The following CAGE1 variants were observed in gnomAD, a reference collection of about 807,000 sequenced individuals.
CAGE1 encodes cancer-associated gene 1 protein.
In CAGE1, 66 loss-of-function variants were observed where a neutral mutation model predicts 94.9. The observed-to-expected ratio is 0.70, with a 90% confidence interval of 0.57 to 0.85. The LOEUF is 0.85. Ranked by LOEUF, CAGE1 falls within the 40% of genes least tolerant of loss-of-function variation. The probability of loss-of-function intolerance (pLI) is 0.00; values close to 1 mark genes in which losing one functional copy is unlikely to be tolerated. For synonymous variants in CAGE1, 319 were observed against 321.0 expected (o/e 0.99, Z 0.07); for missense variants, 865 against 950.4 (o/e 0.91, Z 1.18).
intron 11 of CAGE1, among the ~76,000 whole-genome samples, chr6:7,335,859 G>A (rs1351394642): frequency 3.9e-5 from 6 of 152,202 alleles, no homozygotes; most frequent in Admixed American, 3.3e-4. Context: ...TTGTAGGCAT[G>A]AGCCACCATG....
chr6:7,345,597 A>G (rs1759459756), intron 11 of CAGE1, among the ~76,000 whole-genome samples: 1 of 152,230 alleles, frequency 6.6e-6, no homozygotes, highest in African/African-American at 2.4e-5. Context: ...TAGCTTTCAT[A>G]GTAAACAGCT....
intron 3 of CAGE1, among the ~76,000 whole-genome samples, chr6:7,380,039 G>T (rs1350012754): frequency 6.6e-6 from 1 of 152,122 alleles, no homozygotes; most frequent in Non-Finnish European, 1.5e-5. Context: ...CTCAAATCGT[G>T]GAATCAGATT....
At chr6:7,385,987 A>C in intron 2 of CAGE1, 115 bp from the exon 3 acceptor site, 2 of 537,510 alleles carry the variant, frequency 3.7e-6, no homozygotes, top group East Asian at 3.4e-5. Context: ...CATAGGTAGA[A>C]TGTGCTTTCT....
At chr6:7,365,636 A>G in intron 8 of CAGE1, 61 bp from the exon 9 acceptor site, 3 of 1,521,846 alleles carry the variant, frequency 2.0e-6, no homozygotes, top group Non-Finnish European at 2.7e-6. Context: ...AATACCTGAC[A>G]ATAAATACTT....
At chr6:7,333,642 C>CTATCTATA (rs1393663829) in intron 12 of CAGE1, among the ~76,000 whole-genome samples, 5 of 121,496 alleles carry the variant, frequency 4.1e-5, no homozygotes, top group Admixed American at 8.2e-5. Context: ...ATCTAACTAT[C>CTATCTATA]TATATATATA....
chr6:7,339,369 C>T lies in CAGE1; in HGVS notation c.2370-5279G>A. ...CTTCTGAACTACAGCAGTCAGTTCCCGAATCCGCCGGCCCTTCTCACCAAG... is the reference window on the plus strand; with the variant it reads ...CTTCTGAACTACAGCAGTCAGTTCCTGAATCCGCCGGCCCTTCTCACCAAG... On this transcript the variant is annotated intron_variant, in intron 11 of 13. Transcript: ENST00000502583. The surrounding 1 kb of genome is among the most constrained non-coding windows in gnomAD (Gnocchi z 4.7). 2 of 1,608,448 alleles carry T rather than the reference C, an allele frequency of 1.2e-6. No homozygotes were observed. Among genetic ancestry groups the T allele is most frequent in the Non-Finnish European group, 8.5e-7 (1 of 1,175,632 alleles).
At chr6:7,376,353 C>T (rs1760741953) in intron 4 of CAGE1, among the ~76,000 whole-genome samples, 1 of 151,700 alleles carries the variant, frequency 6.6e-6, no homozygotes, top group Admixed American at 6.6e-5. Flanking sequence ...GGTGCCACTG[C>T]ACTGCAGCCT....
At chr6:7,382,845 G>C (rs1760984584) in intron 3 of CAGE1, among the ~76,000 whole-genome samples, 1 of 152,080 alleles carries the variant, frequency 6.6e-6, no homozygotes, top group Admixed American at 6.5e-5. Context: ...GGAAGGTGGA[G>C]GTTGCAGTGA....
intron 12 of CAGE1, 64 bp downstream of exon 12, chr6:7,333,958 G>A (rs1031339643): frequency 3.4e-5 from 36 of 1,057,398 alleles, no homozygotes; most frequent in Middle Eastern, 5.3e-4. Context: ...GTGAGCCACC[G>A]CACTTGGCCA....
chr6:7,381,630 G>T (rs1760936546), intron 3 of CAGE1, among the ~76,000 whole-genome samples: 1 of 150,766 alleles, frequency 6.6e-6, no homozygotes, highest in Non-Finnish European at 1.5e-5. Flanking sequence ...CTGGGTTCAA[G>T]CAATTCTCAT....
intron 11 of CAGE1, among the ~76,000 whole-genome samples, chr6:7,345,577 A>G (rs975817826): frequency 6.6e-5 from 10 of 152,194 alleles, no homozygotes; most frequent in Non-Finnish European, 7.4e-5. Flanking sequence ...TAGAAAAACA[A>G]TGTCACTAAT....
At chr6:7,343,198 A>AAAAAAAAAAGAAAAGAAAAGAAAAG (rs574460085) in intron 11 of CAGE1, among the ~76,000 whole-genome samples, 10 of 137,358 alleles carry the variant, frequency 7.3e-5, no homozygotes, top group African/African-American at 1.7e-4. Flanking sequence ...CACAAAAAAA[A>AAAAAAAAAAGAAAAGAAAAGAAAAG]AAAAGAAAAG....
At chr6:7,372,137 G>C (rs571742344) in intron 5 of CAGE1, among the ~76,000 whole-genome samples, 1 of 152,194 alleles carries the variant, frequency 6.6e-6, no homozygotes, top group African/African-American at 2.4e-5. Context: ...ATTTTGTTTT[G>C]TTGAATAGGA....
chr6:7,380,034 A>G (rs11243161), intron 3 of CAGE1, among the ~76,000 whole-genome samples: 50,973 of 152,132 alleles, frequency 0.34, 10,537 homozygotes, highest in South Asian at 0.49. Flanking sequence ...AGCACCTCAA[A>G]TCGTGGAATC....
At chr6:7,375,823 C>T (rs568124669) in intron 4 of CAGE1, among the ~76,000 whole-genome samples, 1 of 152,286 alleles carries the variant, frequency 6.6e-6, no homozygotes, top group South Asian at 2.1e-4. Flanking sequence ...GTTTTTTGAG[C>T]TCATCCTTCT....
chr6:7,336,457 C>G (rs1277320395), intron 11 of CAGE1, among the ~76,000 whole-genome samples: 1 of 152,158 alleles, frequency 6.6e-6, no homozygotes, highest in Admixed American at 6.5e-5. Context: ...AGCAGCACCA[C>G]TGAATGGAGT....
intron 9 of CAGE1, among the ~76,000 whole-genome samples, chr6:7,361,835 G>GT (rs1366058985): frequency 6.6e-6 from 1 of 152,204 alleles, no homozygotes; most frequent in East Asian, 1.9e-4. Flanking sequence ...AACTAAGAAT[G>GT]TAAGATTCCA....
chr6:7,383,080 C>G (rs1445070170), intron 3 of CAGE1, among the ~76,000 whole-genome samples: 1 of 129,104 alleles, frequency 7.7e-6, no homozygotes, highest in East Asian at 2.5e-4. Context: ...GCTGTTCTTG[C>G]GATAGTTGAG....
At chr6:7,345,440 T>G (rs1366630937) in intron 11 of CAGE1, among the ~76,000 whole-genome samples, 1 of 152,216 alleles carries the variant, frequency 6.6e-6, no homozygotes, top group Non-Finnish European at 1.5e-5. Flanking sequence ...TGTGGTTTCA[T>G]TCTTGAAGTG....
Sources: allele counts gnomAD v4.1 joint callset (sites outside exome capture counted in the v4.1 genomes callset), GRCh38; gene constraint gnomAD v4.1.1; non-coding constraint Gnocchi (gnomAD v3.1); transcripts MANE v1.5; gene names NCBI Gene and HGNC (gene_info 2026-07-23, HGNC 2026-07-21).